Variants in TAOK1 observed in about 807,000 individuals in gnomAD.
TAOK1 encodes the protein serine/threonine-protein kinase TAO1.
TAOK1 carries 21 observed loss-of-function variants against 138.3 expected under a neutral mutation model. The ratio of observed to expected loss-of-function variants is 0.15; its 90% CI spans 0.11 to 0.22. The LOEUF (loss-of-function observed/expected upper bound fraction) is 0.22, where lower values mean the gene tolerates loss of function less well. TAOK1 is among the 10% of genes least tolerant of loss of function. The probability of loss-of-function intolerance (pLI) is 1.00; values close to 1 mark genes in which losing one functional copy is unlikely to be tolerated. For missense variants in TAOK1, 651 were observed against 1,227.7 expected, an observed-to-expected ratio of 0.53 and a Z score of 7.02; for synonymous variants, 361 against 398.4, an observed-to-expected ratio of 0.91 and a Z score of 1.12.
intron 3 of TAOK1, among the ~76,000 whole-genome samples, chr17:29,471,221 A>C (rs2030808015): frequency 6.6e-6 from 1 of 151,712 alleles, no homozygotes; most frequent in African/African-American, 2.4e-5. Context: ...AGTGTGCAAT[A>C]ACATTTTGTC....
chr17:29,464,728 A>C (rs1044564246), intron 2 of TAOK1, among the ~76,000 whole-genome samples: 1 of 152,224 alleles, frequency 6.6e-6, no homozygotes, highest in South Asian at 2.1e-4. Flanking sequence ...TGAATGGTAC[A>C]GGTTTCCACT....
chr17:29,476,276 C>G (rs2030938707), intron 4 of TAOK1, among the ~76,000 whole-genome samples: 2 of 152,114 alleles, frequency 1.3e-5, no homozygotes, highest in Non-Finnish European at 1.5e-5. Context: ...GGAATGGCCC[C>G]TTATTTTGAA....
At chr17:29,426,414 T>G (rs903076283) in intron 1 of TAOK1, among the ~76,000 whole-genome samples, 8 of 152,116 alleles carry the variant, frequency 5.3e-5, no homozygotes, top group South Asian at 2.1e-4. Context: ...TGAATCCAAA[T>G]TAGAGATTAG....
At chr17:29,402,949 C>T (rs942443992) in intron 1 of TAOK1, among the ~76,000 whole-genome samples, 5 of 148,548 alleles carry the variant, frequency 3.4e-5, no homozygotes, top group Non-Finnish European at 7.4e-5. Context: ...CCGAAGTGGG[C>T]AGATCACAAG....
intron 1 of TAOK1, among the ~76,000 whole-genome samples, chr17:29,413,766 C>G (rs2074718875): frequency 6.6e-6 from 1 of 152,034 alleles, no homozygotes; most frequent in Non-Finnish European, 1.5e-5. Flanking sequence ...ATTTTCCTCT[C>G]TTCCGTCTCT....
At chr17:29,399,407 C>T (rs1216342548) in intron 1 of TAOK1, among the ~76,000 whole-genome samples, 4 of 152,150 alleles carry the variant, frequency 2.6e-5, no homozygotes, top group African/African-American at 9.7e-5. Context: ...CCTCTGCCTG[C>T]CCTGTTCATG....
intron 18 of TAOK1, among the ~76,000 whole-genome samples, chr17:29,531,052 C>A (rs1352964509): frequency 6.9e-6 from 1 of 144,852 alleles, no homozygotes; most frequent in Non-Finnish European, 1.5e-5. Context: ...AGCTCCGCCT[C>A]CCGGGTTCAC....
At chr17:29,453,895 CCT>C (rs1358862935) in intron 2 of TAOK1, among the ~76,000 whole-genome samples, 9 of 151,528 alleles carry the variant, frequency 5.9e-5, no homozygotes, top group Non-Finnish European at 1.2e-4. Flanking sequence ...ACGTCCTCAG[CCT>C]CCGTGGGCTC....
chr17:29,450,618 C>A (rs576120042), intron 1 of TAOK1, among the ~76,000 whole-genome samples: 49 of 152,244 alleles, frequency 3.2e-4, no homozygotes, highest in Admixed American at 5.9e-4. Flanking sequence ...CTCCAGTGAT[C>A]CTTCCGCCTT....
chr17:29,397,623 T>TAA (rs143233799), intron 1 of TAOK1, among the ~76,000 whole-genome samples: 2 of 64,616 alleles, frequency 3.1e-5, no homozygotes, highest in Admixed American at 1.7e-4. Flanking sequence ...AATATATATA[T>TAA]ATATATACAT....
At chr17:29,410,930 C>T (rs910022585) in intron 1 of TAOK1, among the ~76,000 whole-genome samples, 11 of 152,026 alleles carry the variant, frequency 7.2e-5, no homozygotes, top group South Asian at 6.2e-4. Flanking sequence ...CCACTGCACT[C>T]GGCCAGCTAG....
intron 10 of TAOK1, 100 bp downstream of exon 10, chr17:29,491,965 G>A (rs149619463): frequency 9.7e-6 from 8 of 828,430 alleles, no homozygotes; most frequent in South Asian, 9.6e-5. Flanking sequence ...GTCTCCTGCA[G>A]CCTTGACCTC....
chr17:29,409,334 T>TATG (rs1491526747), intron 1 of TAOK1, among the ~76,000 whole-genome samples: 4 of 44,518 alleles, frequency 9.0e-5, no homozygotes, highest in Admixed American at 2.6e-4. Flanking sequence ...TATATATATA[T>TATG]TTTTTTTTTT....
chr17:29,429,354 C>T (rs1488843454), intron 1 of TAOK1, among the ~76,000 whole-genome samples: 2 of 151,966 alleles, frequency 1.3e-5, no homozygotes, highest in Non-Finnish European at 2.9e-5. Context: ...GGGGACACTA[C>T]ACCCTCCATC....
At chr17:29,419,483 C>T (rs528482449) in intron 1 of TAOK1, among the ~76,000 whole-genome samples, 1 of 148,670 alleles carries the variant, frequency 6.7e-6, no homozygotes, top group East Asian at 2.0e-4. Flanking sequence ...AGCCACTGCG[C>T]CCGGCAGTAT....
chr17:29,432,565 C>G (rs1466656048), intron 1 of TAOK1, among the ~76,000 whole-genome samples: 1 of 152,092 alleles, frequency 6.6e-6, no homozygotes. Context: ...CTCCTGACCT[C>G]GTGATCCACC....
chr17:29,516,012 A>G (rs141743881), intron 15 of TAOK1, among the ~76,000 whole-genome samples: 6,213 of 151,670 alleles, frequency 0.041, 199 homozygotes, highest in South Asian at 0.1. Flanking sequence ...GCTGGAGTGC[A>G]ATGGTGCGAT....
At chr17:29,415,116 C>G (rs546453914) in intron 1 of TAOK1, among the ~76,000 whole-genome samples, 1 of 151,990 alleles carries the variant, frequency 6.6e-6, no homozygotes, top group African/African-American at 2.4e-5. Flanking sequence ...ATTACAGGTG[C>G]GTGCTACCAC....
rs1382267052 is a variant in TAOK1, at chr17:29,550,851, T to G, written c.*7829T>G. ...ATTAGTACATCATTTTCTCTGGATT[T>G]TCTTCACTTCCCTCTTCCTTTCTAC... On this transcript the variant is annotated 3_prime_UTR_variant, in exon 20 of 20. Transcript: ENST00000261716. The G allele has an allele frequency of 6.6e-6, 1 of 152,582 alleles. No homozygotes were observed. The highest frequency in any genetic ancestry group is 2.4e-5 in the African/African-American group (1 of 41,432). The allele number at this position is 152,582 out of a possible 1,614,324, so 9.5% of individuals were successfully genotyped here. A position where few individuals can be genotyped will look rare whatever the true frequency, so the allele number is the denominator to read the frequency against.
Sources: allele counts gnomAD v4.1 joint callset (sites outside exome capture counted in the v4.1 genomes callset), GRCh38; gene constraint gnomAD v4.1.1; transcripts MANE v1.5; gene names NCBI Gene and HGNC (gene_info 2026-07-23, HGNC 2026-07-21).